The following PELI2 variants were observed in gnomAD, a reference collection of about 807,000 sequenced individuals.
PELI2 encodes the protein pellino E3 ubiquitin protein ligase family member 2.
Under a neutral mutation model 42.3 loss-of-function variants are expected in PELI2, and 23 were observed. The observed-to-expected ratio is 0.54, with a 90% CI of 0.39 to 0.77. The LOEUF (loss-of-function observed/expected upper bound fraction) is 0.77. Among genes scored for constraint, PELI2 ranks in the 30% least tolerant of loss-of-function variants. PELI2 has a pLI of 0.00. For missense variants in PELI2, 463 were observed against 553.2 expected (o/e 0.84, Z 1.64); for synonymous variants, 245 against 212.2 (o/e 1.15, Z -1.34).
chr14:56,128,050 G>C (rs2139582695), intron 1 of PELI2, among the ~76,000 whole-genome samples: 1 of 152,152 alleles, frequency 6.6e-6, no homozygotes, highest in South Asian at 2.1e-4. Context: ...TCCTGCACAT[G>C]GACCCCTGAA....
At chr14:56,206,968 G>A (rs1307529509) in intron 2 of PELI2, among the ~76,000 whole-genome samples, 1 of 152,176 alleles carries the variant, frequency 6.6e-6, no homozygotes, top group African/African-American at 2.4e-5. Flanking sequence ...TGCTCAACAA[G>A]TTATCAAATA....
At chr14:56,194,641 G>GCATGTC (rs1403836460) in intron 2 of PELI2, among the ~76,000 whole-genome samples, 1 of 152,190 alleles carries the variant, frequency 6.6e-6, no homozygotes, top group African/African-American at 2.4e-5. Flanking sequence ...ATCACATGAA[G>GCATGTC]CATGTCTGCT....
intron 2 of PELI2, among the ~76,000 whole-genome samples, chr14:56,262,541 A>G (rs145507037): frequency 2.6e-5 from 4 of 152,334 alleles, no homozygotes; most frequent in Non-Finnish European, 5.9e-5. Context: ...TTTAATTTTA[A>G]TAATAGCTGA....
At chr14:56,127,388 T>C (rs1216696915) in intron 1 of PELI2, among the ~76,000 whole-genome samples, 2 of 152,228 alleles carry the variant, frequency 1.3e-5, no homozygotes, top group Non-Finnish European at 2.9e-5. Context: ...CAGAAGAATG[T>C]TTTAACACTG....
At chr14:56,239,708 C>T (rs1300670072) in intron 2 of PELI2, among the ~76,000 whole-genome samples, 1 of 152,118 alleles carries the variant, frequency 6.6e-6, no homozygotes, top group Non-Finnish European at 1.5e-5. Context: ...CTTCCCCAAG[C>T]CCCGTGCACT....
At chr14:56,283,203 T>C (rs947394429) in intron 3 of PELI2, among the ~76,000 whole-genome samples, 2 of 152,242 alleles carry the variant, frequency 1.3e-5, no homozygotes, top group African/African-American at 4.8e-5. Context: ...CTCTCATCTC[T>C]GCAGAATGAA....
At chr14:56,277,241 T>C (rs2139868390) in intron 2 of PELI2, among the ~76,000 whole-genome samples, 1 of 152,258 alleles carries the variant, frequency 6.6e-6, no homozygotes, top group East Asian at 1.9e-4. Flanking sequence ...TTCATCTGTA[T>C]TTATAGCCGC....
chr14:56,128,305 A>G lies in PELI2; in HGVS notation c.77+9568A>G, dbSNP rs143675051. Among the ~76,000 whole-genome samples, 311 of 152,298 alleles carry G rather than the reference A, an allele frequency of 2.0e-3. 1 individual carries two copies. Among genetic ancestry groups the G allele is most frequent in the Middle Eastern group, 0.01 (3 of 294 alleles). ...AGCAACAAATCATTAATTAGGGTGT[A>G]GCGGGATGGTGGGCGAGAGCTCTGG... On this transcript the variant is annotated intron_variant, in intron 1 of 5. Coordinates refer to ENST00000267460, the MANE Select transcript of PELI2 (RefSeq NM_021255.3).
chr14:56,193,357 C>T (rs1276725083), intron 2 of PELI2, among the ~76,000 whole-genome samples: 2 of 152,134 alleles, frequency 1.3e-5, no homozygotes. Context: ...AACCCATTAT[C>T]TGATTTGACA....
intron 1 of PELI2, among the ~76,000 whole-genome samples, chr14:56,131,042 A>G: frequency 6.6e-6 from 1 of 152,072 alleles, no homozygotes; most frequent in Non-Finnish European, 1.5e-5. Flanking sequence ...TGTTATGTTG[A>G]TTTTTCCTTT....
At chr14:56,125,411 TG>T (rs935481210) in intron 1 of PELI2, among the ~76,000 whole-genome samples, 26 of 68,152 alleles carry the variant, frequency 3.8e-4, no homozygotes, top group African/African-American at 1.5e-3. Context: ...AGTTATTGGG[TG>T]GGCAGGGGGG....
chr14:56,118,691 G>T lies in PELI2; in HGVS notation c.31G>T (p.Ala11Ser), dbSNP rs1345825783. The T allele has an allele frequency of 1.3e-6, 2 of 1,519,468 alleles. No homozygotes were observed. 94.1% of individuals were successfully genotyped at this position (1,519,468 alleles called of 1,614,324 possible). MFSPGQEEHC[A>S]PNKEPVKYGE... Reference sequence around the variant, plus strand: ...TTCCCCTGGCCAGGAGGAACACTGCGCCCCCAATAAGGAGCCAGTGAAATA... The same window carrying T: ...TTCCCCTGGCCAGGAGGAACACTGCTCCCCCAATAAGGAGCCAGTGAAATA... The change falls in exon 1 of 6, where the codon GCC becomes TCC. Residue 11 changes from alanine to serine, a missense_variant. Physicochemically the swap from Ala to Ser is moderately conservative, Grantham distance 99. Transcript: ENST00000267460.
chr14:56,242,873 A>C (rs1387372833), intron 2 of PELI2, among the ~76,000 whole-genome samples: 1 of 152,184 alleles, frequency 6.6e-6, no homozygotes, highest in Non-Finnish European at 1.5e-5. Flanking sequence ...AAGGGAGTGA[A>C]GGATAAAAGA....
Position 56,281,386 on chromosome 14 carries a change from G to A in PELI2, c.309+1609G>A, listed in dbSNP as rs75676129. Among the ~76,000 whole-genome samples the A allele has an allele frequency of 3.6e-4, 55 of 152,194 alleles. 2 individuals carry two copies. The East Asian group carries it at 0.01, about 28-fold the overall frequency. On this transcript the variant is annotated intron_variant, in intron 3 of 5. Transcript: ENST00000267460. ...ATAAAATAAGTGAAAAAAGGCATAT[G>A]TCCACTTCATGCTTTATTTTTATAT...
intron 2 of PELI2, among the ~76,000 whole-genome samples, chr14:56,200,379 T>C (rs775264514): frequency 1.0e-5 from 1 of 99,556 alleles, no homozygotes; most frequent in Non-Finnish European, 2.4e-5. Context: ...AGATGAGGCA[T>C]GTGAGGCACA....
At chr14:56,215,028 G>T (rs958024380) in intron 2 of PELI2, among the ~76,000 whole-genome samples, 28 of 55,664 alleles carry the variant, frequency 5.0e-4, no homozygotes, top group African/African-American at 1.2e-3. Flanking sequence ...AGTCACACAT[G>T]TTGGTCAGTA....
At chr14:56,169,231 G>A (rs529897335) in intron 1 of PELI2, among the ~76,000 whole-genome samples, 1 of 152,238 alleles carries the variant, frequency 6.6e-6, no homozygotes, top group East Asian at 1.9e-4. Flanking sequence ...CTGCCGCCAA[G>A]CCCACGGTCT....
chr14:56,213,185 A>C (rs760746258), intron 2 of PELI2, among the ~76,000 whole-genome samples: 7 of 152,244 alleles, frequency 4.6e-5, no homozygotes, highest in Non-Finnish European at 7.3e-5. Context: ...GCACTGGGAG[A>C]CATCACTTCT....
chr14:56,164,877 T>C (rs1884894135), intron 1 of PELI2, among the ~76,000 whole-genome samples: 2 of 152,076 alleles, frequency 1.3e-5, no homozygotes, highest in Non-Finnish European at 2.9e-5. Context: ...GTAGTATCAG[T>C]TGTAATGTCT....
Sources: allele counts gnomAD v4.1 joint callset (sites outside exome capture counted in the v4.1 genomes callset), GRCh38; gene constraint gnomAD v4.1.1; transcripts MANE v1.5; gene names NCBI Gene and HGNC (gene_info 2026-07-23, HGNC 2026-07-21).